SARS2: variants seen among roughly 807,000 people sequenced by gnomAD.
The protein encoded by SARS2 is seryl-tRNA synthetase 2, mitochondrial.
SARS2 carries 52 observed loss-of-function variants against 66.8 expected under a neutral mutation model. The observed-to-expected ratio is 0.78, with a 90% CI of 0.62 to 0.98. The LOEUF is 0.98. SARS2 is among the 50% of genes least tolerant of loss of function. SARS2 has a pLI of 0.00. For missense variants in SARS2, 673 were observed against 706.3 expected, an observed-to-expected ratio of 0.95 and a Z score of 0.53; for synonymous variants, 306 against 281.4, an observed-to-expected ratio of 1.09 and a Z score of -0.87.
intron 3 of SARS2, 91 bp from the exon 4 acceptor site, chr19:38,921,758 G>T: frequency 6.5e-7 from 1 of 1,542,638 alleles, no homozygotes; most frequent in Non-Finnish European, 8.8e-7. Context: ...AGCCCCTGTG[G>T]TGGACATTCA....
intron 2 of SARS2, among the ~76,000 whole-genome samples, chr19:38,924,945 A>G (rs1270329745): frequency 6.6e-6 from 1 of 152,216 alleles, no homozygotes; most frequent in Non-Finnish European, 1.5e-5. Flanking sequence ...CGACTTCTAC[A>G]TAAAGGTCTG....
intron 1 of SARS2, among the ~76,000 whole-genome samples, chr19:38,929,877 T>C (rs1974700149): frequency 6.6e-6 from 1 of 152,238 alleles, no homozygotes; most frequent in Non-Finnish European, 1.5e-5. Context: ...AATTCCCTTT[T>C]ATAAGTGCTA....
chr19:38,921,371 C>G, intron 5 of SARS2, 21 bp downstream of exon 5: 1 of 1,612,282 alleles, frequency 6.2e-7, no homozygotes, highest in Non-Finnish European at 8.5e-7. Flanking sequence ...TGTCAGCTCC[C>G]AGGCCTGGGG....
At chr19:38,927,568 A>G (rs1314881766) in intron 1 of SARS2, among the ~76,000 whole-genome samples, 3 of 150,530 alleles carry the variant, frequency 2.0e-5, no homozygotes, top group Non-Finnish European at 3.0e-5. Context: ...ACAGAGTGAG[A>G]CCTTGTCTCC....
chr19:38,925,576 C>T (rs1974612684), intron 2 of SARS2, among the ~76,000 whole-genome samples: 1 of 152,144 alleles, frequency 6.6e-6, no homozygotes, highest in Non-Finnish European at 1.5e-5. Context: ...GGAACTCAAG[C>T]CAGAGAAGTC....
At chr19:38,920,642 G>A (rs1055938243) in intron 5 of SARS2, among the ~76,000 whole-genome samples, 2 of 150,364 alleles carry the variant, frequency 1.3e-5, no homozygotes, top group Non-Finnish European at 3.0e-5. Context: ...GACACACAGA[G>A]ACAGACACAT....
intron 12 of SARS2, among the ~76,000 whole-genome samples, chr19:38,916,896 C>T (rs1206266717): frequency 6.6e-6 from 1 of 151,444 alleles, no homozygotes; most frequent in Non-Finnish European, 1.5e-5. Context: ...CTCCTGACCT[C>T]AGGTGATCCG....
intron 5 of SARS2, among the ~76,000 whole-genome samples, chr19:38,920,988 C>A (rs1273128454): frequency 1.3e-5 from 2 of 150,292 alleles, no homozygotes; most frequent in South Asian, 4.2e-4. Flanking sequence ...CAAACACAGA[C>A]ACACACACAC....
intron 1 of SARS2, chr19:38,930,254 G>A (rs1974709925): frequency 3.2e-6 from 2 of 619,640 alleles, no homozygotes; most frequent in South Asian, 2.1e-5. Context: ...CATAATGGGT[G>A]TCCAGGACAC....
At position 38,916,292 on chromosome 19, in the gene SARS2, C is replaced by G; in HGVS notation, c.1183G>C (p.Glu395Gln). The change falls in exon 13 of 16, where the codon GAA becomes CAA. Residue 395 changes from glutamate to glutamine, a missense_variant. Physicochemically the swap from Glu to Gln is conservative, Grantham distance 29. Transcript: ENST00000221431. Reference protein sequence around the residue: ...HFRVLDMPTQELGLPAYRKFD... With the variant: ...HFRVLDMPTQQLGLPAYRKFD... ...TTGCGGTAGGCGGGGAGGCCCAGTT[C>G]TTGGGTGGGCATATCCAGGACCCTG... 1 of 1,613,984 alleles carries G rather than the reference C, an allele frequency of 6.2e-7. No individual in the cohort carries two copies.
chr19:38,929,562 CA>C (rs34985712), intron 1 of SARS2, among the ~76,000 whole-genome samples: 29,723 of 113,840 alleles, frequency 0.26, 3,415 homozygotes, highest in East Asian at 0.48. Flanking sequence ...CACCCTATCT[CA>C]AAAAAAAAAA....
intron 5 of SARS2, 111 bp downstream of exon 5, chr19:38,921,278 CAGG>C (rs1268399571): frequency 3.4e-5 from 39 of 1,131,952 alleles, no homozygotes; most frequent in African/African-American, 4.6e-5. Flanking sequence ...CCTGTACCGC[CAGG>C]AGTTCTCCAG....
Position 38,926,318 on chromosome 19 carries a change from G to C in SARS2, c.268-18C>G, listed in dbSNP as rs1467773864. Reference sequence around the variant, plus strand: ...GTCGAGATCTGGGGTGGATATAAGAGAAAAGGAGATGAAGCAGCCATCACC... The same window carrying C: ...GTCGAGATCTGGGGTGGATATAAGACAAAAGGAGATGAAGCAGCCATCACC... On this transcript the variant is annotated intron_variant, in intron 1 of 15. Transcript: ENST00000221431. The C allele has an allele frequency of 6.2e-7, 1 of 1,600,564 alleles. No individual in the cohort carries two copies. Among genetic ancestry groups the C allele is most frequent in the Non-Finnish European group, 8.5e-7 (1 of 1,178,710 alleles).
At chr19:38,930,347 G>A in intron 1 of SARS2, 123 bp downstream of exon 1, 1 of 1,302,250 alleles carries the variant, frequency 7.7e-7, no homozygotes, top group Non-Finnish European at 1.0e-6. Flanking sequence ...CAAGACGTTG[G>A]CTAACTTGGG....
rs4803046 is a variant in SARS2 at position 38,926,327 on chromosome 19, A to T, written c.268-27T>A. The T allele has an allele frequency of 0.26, 418,268 of 1,595,776 alleles. 56,886 individuals are homozygous for T. The highest frequency in any genetic ancestry group is 0.33 in the South Asian group (30,400 of 90,938). On this transcript the variant is annotated intron_variant, in intron 1 of 15. Transcript: ENST00000221431. ...TGGGGTGGATATAAGAGAAAAGGAG[A>T]TGAAGCAGCCATCACCCCTACCCTT... is the stretch of plus-strand genomic sequence containing the variant.
chr19:38,919,568 C>T lies in SARS2; in HGVS notation c.759+194G>A, dbSNP rs1447892651. ...ACCTCCCCTCTCTGGGCCTCAAGCCCTCTCTGTAAAGTGGGGATGATGACA... is the reference window on the plus strand; with the variant it reads ...ACCTCCCCTCTCTGGGCCTCAAGCCTTCTCTGTAAAGTGGGGATGATGACA... On this transcript the variant is annotated intron_variant, in intron 7 of 15. Coordinates refer to ENST00000221431, the MANE Select transcript of SARS2 (RefSeq NM_017827.4). Among the ~76,000 whole-genome samples the T allele has an allele frequency of 2.0e-5, 3 of 152,344 alleles. No individual in the cohort carries two copies. In the East Asian group the frequency reaches 5.8e-4, roughly 29 times the overall value.
In SARS2 at chr19:38,920,089, T is replaced by G. The variant is rs1974492350; in HGVS notation, c.650A>C (p.Gln217Pro). ...GGGAGCCAGGGGAGGGGCTCACTTCTGACGGATGATGTCGAGTTTCTCGCC... is the reference window on the plus strand; with the variant it reads ...GGGAGCCAGGGGAGGGGCTCACTTCGGACGGATGATGTCGAGTTTCTCGCC... ...EIGEKLDIIR[Q>P]KRLSHVSGHR... Residue 217 changes from glutamine to proline, a missense_variant, in exon 6 of 16, where the codon CAG becomes CCG. Gln to Pro is a moderately conservative substitution (Grantham distance 76). Transcript: ENST00000221431. 10 of 1,559,832 alleles carry G rather than the reference T, an allele frequency of 6.4e-6. No individual in the cohort carries two copies. The highest frequency in any genetic ancestry group is 8.7e-6 in the Non-Finnish European group (10 of 1,151,302).
rs201883061 is a variant in SARS2, at chr19:38,919,719, C to T, written c.759+43G>A. On this transcript the variant is annotated intron_variant, in intron 7 of 15. Transcript: ENST00000221431. ...CCGTTGGGCCCTCTGAGCTCAGCTT[C>T]GATGCCACCCCCTCCAGGCAGCCCT... 3.3e-4 allele frequency: 507 copies of T among 1,526,038 alleles called. 2 individuals carry two copies. Among genetic ancestry groups the T allele is most frequent in the African/African-American group, 2.2e-3 (158 of 73,338 alleles). 94.5% of individuals were successfully genotyped at this position (1,526,038 alleles called of 1,614,324 possible).
chr19:38,921,515 C>T lies in SARS2; in HGVS notation c.534+12G>A. On this transcript the variant is annotated intron_variant, in intron 4 of 15. Transcript: ENST00000221431. ...GGCCCCTGGCCTCCCTGCCACCCAGCACGGTGCTCACCACGTCTGGGTGGG... is the reference window on the plus strand; with the variant it reads ...GGCCCCTGGCCTCCCTGCCACCCAGTACGGTGCTCACCACGTCTGGGTGGG... 1.2e-6 allele frequency: 2 copies of T among 1,614,178 alleles called. No homozygotes were observed. Among genetic ancestry groups the T allele is most frequent in the Non-Finnish European group, 1.7e-6 (2 of 1,180,006 alleles).
Sources: gnomAD v4.1 joint callset for allele counts (sites outside exome capture counted in the v4.1 genomes callset) on GRCh38, gnomAD v4.1.1 for gene constraint, MANE v1.5 for transcripts, NCBI Gene and HGNC (gene_info 2026-07-23, HGNC 2026-07-21) for gene names.